Variants in SIGIRR observed in about 807,000 individuals in gnomAD.
The protein encoded by SIGIRR is single Ig and TIR domain containing.
Under a neutral mutation model 45.6 loss-of-function variants are expected in SIGIRR, and 41 were observed. The observed-to-expected ratio is 0.90, with a 90% confidence interval of 0.70 to 1.17. The LOEUF is 1.17. SIGIRR is among the 50% of genes most tolerant of loss of function. The pLI, the probability that SIGIRR is intolerant of heterozygous loss-of-function variation, is 0.00. For missense variants in SIGIRR, 599 were observed against 539.6 expected (o/e 1.11, Z -1.09); for synonymous variants, 298 against 239.0 (o/e 1.25, Z -2.28).
chr11:409,381 G>A (rs1201765039), intron 2 of SIGIRR: 3 of 279,918 alleles, frequency 1.1e-5, no homozygotes, highest in Non-Finnish European at 2.1e-5. Flanking sequence ...CACCTGGATG[G>A]GCACAGCTGG....
intron 8 of SIGIRR, 128 bp downstream of exon 8, chr11:406,715 C>T (rs1358023080): frequency 3.6e-6 from 5 of 1,406,448 alleles, no homozygotes; most frequent in South Asian, 3.0e-5. Context: ...AGCGGAACCT[C>T]CCCCCAGGGC....
At chr11:406,326 G>A in intron 9 of SIGIRR, 23 bp downstream of exon 9, 2 of 1,610,140 alleles carry the variant, frequency 1.2e-6, no homozygotes, top group East Asian at 2.2e-5. Flanking sequence ...CTCCAGTTGG[G>A]GAGTGGGGCT....
rs745336848 is a variant in SIGIRR, at chr11:405,880, C to T, written c.*16G>A. On this transcript the variant is annotated 3_prime_UTR_variant, in exon 10 of 10. Coordinates refer to ENST00000431843, the MANE Select transcript of SIGIRR (RefSeq NM_001135054.2). The stretch of plus-strand genomic sequence containing the variant: ...GGCCCCCGCTGTCCCTATGATCCTG[C>T]ACTCTGGGGTGGGAGCTACATATCA... 4 of 1,580,956 alleles carry T rather than the reference C, an allele frequency of 2.5e-6. No individual in the cohort carries two copies. The South Asian group carries it at 3.5e-5, about 14-fold the overall frequency.
chr11:407,463 T>C lies in SIGIRR; in HGVS notation c.587A>G (p.Lys196Arg), dbSNP rs1847394863. The change falls in exon 6 of 10, where the codon AAG (lysine) becomes AGG (arginine). Residue 196 changes from lysine to arginine, a missense_variant. Physicochemically the swap from Lys to Arg is conservative, Grantham distance 26. Coordinates refer to ENST00000431843, the MANE Select transcript of SIGIRR (RefSeq NM_001135054.2). ...GAGGTCGCGGTCGTCCAGGAAGAGC[T>C]TGTAGCCCCGACGCCGCTCCAGCTG... ...KPQLERRRGY[K>R]LFLDDRDLLP... 1 of 1,565,142 alleles carries C rather than the reference T, an allele frequency of 6.4e-7. No individual in the cohort carries two copies.
In SIGIRR at chr11:408,198, G is replaced by C; in HGVS notation, c.215C>G (p.Ala72Gly). Residue 72 changes from alanine to glycine, a missense_variant, in exon 4 of 10, where the codon GCC becomes GGC. Ala to Gly is a moderately conservative substitution (Grantham distance 60). Transcript: ENST00000431843. Reference protein sequence around the residue: ...YSLHEYSWVKANLSEVLVSSV... With the variant: ...YSLHEYSWVKGNLSEVLVSSV... ...GGACACAAGCACCTCTGACAGGTTGGCCTTGACCCTGGGGATACCAAGCCA... is the reference window on the plus strand; with the variant it reads ...GGACACAAGCACCTCTGACAGGTTGCCCTTGACCCTGGGGATACCAAGCCA... 1 of 1,612,512 alleles carries C rather than the reference G, an allele frequency of 6.2e-7. No homozygotes were observed. Among genetic ancestry groups the C allele is most frequent in the East Asian group, 2.2e-5 (1 of 44,882 alleles).
upstream of SIGIRR, among the ~76,000 whole-genome samples, chr11:416,744 G>A (rs1847894817): frequency 6.6e-6 from 1 of 152,130 alleles, no homozygotes; most frequent in Admixed American, 6.5e-5. This position sits in a 1 kb window ranked among gnomAD's most constrained non-coding sequence, Gnocchi z 9.1. Context: ...CAGGCCGAGG[G>A]GCTCTGGTTC....
At chr11:406,711 A>ACCT in intron 8 of SIGIRR, 132 bp downstream of exon 8, 1 of 1,407,866 alleles carries the variant, frequency 7.1e-7, no homozygotes, top group Non-Finnish European at 9.3e-7. Context: ...AGGCAGCGGA[A>ACCT]CCTCCCCCCA....
At position 408,839 on chromosome 11, in the gene SIGIRR, C is replaced by G. The variant is rs1590377037; in HGVS notation, c.62G>C (p.Arg21Thr). The G allele has an allele frequency of 1.9e-6, 3 of 1,612,666 alleles. No individual in the cohort carries two copies. The highest frequency in any genetic ancestry group is 2.5e-6 in the Non-Finnish European group (3 of 1,180,000). The change falls in exon 3 of 10, where the codon AGG (arginine) becomes ACG (threonine). Residue 21 changes from arginine (R) to threonine (T), a missense_variant. Coordinates refer to ENST00000431843, the MANE Select transcript of SIGIRR (RefSeq NM_001135054.2). ...AGCCACTGAGCTGCCCAAGGCAGGCCTCAGCACCTGGTCTTCAGACGGGGA... is the reference window on the plus strand; with the variant it reads ...AGCCACTGAGCTGCCCAAGGCAGGCGTCAGCACCTGGTCTTCAGACGGGGA... ...FLSPSEDQVL[R>T]PALGSSVALN... is the part of the protein sequence containing the mutation.
chr11:406,446 C>T lies in SIGIRR; in HGVS notation c.972G>A (p.Leu324=). 1.9e-6 allele frequency: 3 copies of T among 1,612,752 alleles called. No homozygotes were observed. The highest frequency in any genetic ancestry group is 2.5e-6 in the Non-Finnish European group (3 of 1,179,906). Residue 324 remains leucine, a synonymous_variant, in exon 9 of 10, where the codon CTG becomes CTA. Transcript: ENST00000431843. ...RPVEGDPQTQ[L]QDDKDPMLIL... ...TCAGCATGGGGTCCTTGTCGTCCTG[C>T]AGCTGCGTCTGGGGGTCTCCTTCCA...
At chr11:416,871 C>G (rs1011844392), upstream of SIGIRR, among the ~76,000 whole-genome samples, 4 of 152,098 alleles carry the variant, frequency 2.6e-5, no homozygotes, top group Admixed American at 6.5e-5. The surrounding 1 kb of genome is among the most constrained non-coding windows in gnomAD (Gnocchi z 9.1). Context: ...TCGGCCGGGG[C>G]AGAGGCGCGC....
rs984274253 is a variant in SIGIRR, at chr11:413,693, C to A, written c.-154+1130G>T. ...GCACCCTCTCCCCTGCACCCTCTCC[C>A]TGCAAACCCTCCCCTGCACCCTCTT... On this transcript the variant is annotated intron_variant, in intron 1 of 9. Transcript: ENST00000431843. 3.4e-5 allele frequency among the ~76,000 whole-genome samples: 5 copies of A among 148,322 alleles called. No homozygotes were observed. The East Asian group carries it at 1.0e-3, about 30-fold the overall frequency.
intron 2 of SIGIRR, 195 bp downstream of exon 2, chr11:409,673 A>G (rs554154662): frequency 2.0e-6 from 1 of 498,356 alleles, no homozygotes; most frequent in Non-Finnish European, 3.4e-6. Flanking sequence ...GAGAGGGTGC[A>G]GGGCTCATCC....
In SIGIRR at chr11:407,092, AGGAAGG is replaced by A; in HGVS notation, c.692_697del (p.Ala231_Leu233delinsVal). 6 of 1,547,428 alleles carry A rather than the reference AGGAAGG, an allele frequency of 3.9e-6. No homozygotes were observed. The highest frequency in any genetic ancestry group is 2.5e-5 in the East Asian group (1 of 39,928). ...GCTGTGGCTGCACCAGGCCCGGCTC[AGGAAGG>A]CGTCCGAAAGCACCACGATGAGGCG... On this transcript the variant is annotated inframe_deletion, in exon 7 of 10. Transcript: ENST00000431843.
Position 410,029 on chromosome 11 carries a change from TG to T in SIGIRR, c.-153-3del. Reference sequence around the variant, plus strand: ...CAGGGCACCTGGACAGGTCAGAGGCTGCCGCCATCCCCAGGGAACAAGTTAA... The same window carrying T: ...CAGGGCACCTGGACAGGTCAGAGGCTCCGCCATCCCCAGGGAACAAGTTAA... On this transcript the variant is annotated splice_region_variant and splice_polypyrimidine_tract_variant and intron_variant, in intron 1 of 9. Coordinates refer to ENST00000431843, the MANE Select transcript of SIGIRR (RefSeq NM_001135054.2). 1 of 1,238,954 alleles carries T rather than the reference TG, an allele frequency of 8.1e-7. No homozygotes were observed. Among genetic ancestry groups the T allele is most frequent in the Middle Eastern group, 3.1e-4 (1 of 3,232 alleles). 76.7% of individuals were successfully genotyped at this position (1,238,954 alleles called of 1,614,324 possible).
At chr11:409,697 TG>T in intron 2 of SIGIRR, 170 bp downstream of exon 2, 1 of 642,056 alleles carries the variant, frequency 1.6e-6, no homozygotes, top group Non-Finnish European at 2.4e-6. Flanking sequence ...CCACTCGCCC[TG>T]GTTTCAGGGC....
At chr11:413,733 C>A (rs1403330491) in intron 1 of SIGIRR, among the ~76,000 whole-genome samples, 1 of 146,338 alleles carries the variant, frequency 6.8e-6, no homozygotes, top group Non-Finnish European at 1.5e-5. Context: ...CACCCTCTCC[C>A]CTGCTCCCTC....
At chr11:409,030 G>T in intron 2 of SIGIRR, 137 bp from the exon 3 acceptor site, 1 of 773,984 alleles carries the variant, frequency 1.3e-6, no homozygotes, top group Non-Finnish European at 2.2e-6. Flanking sequence ...CGAGTCCCAT[G>T]GGGACAGGCT....
chr11:413,323 C>T (rs1847755347), intron 1 of SIGIRR, among the ~76,000 whole-genome samples: 1 of 152,036 alleles, frequency 6.6e-6, no homozygotes, highest in Non-Finnish European at 1.5e-5. Context: ...TGGGGGATGG[C>T]CAGGGGGTCC....
rs371834375 is a variant in SIGIRR at position 407,180 on chromosome 11, C to T, written c.626-16G>A. The T allele has an allele frequency of 7.6e-4, 696 of 917,628 alleles. 6 individuals are homozygous for T. In the African/African-American group the frequency reaches 0.013, roughly 17 times the overall value. The allele number at this position is 917,628 out of a possible 1,614,324, so 56.8% of individuals were successfully genotyped here. ...GCGGAGGGCTCTGCGGGAGGGCGGG[C>T]GTCGGCGGCGCAGGGGCGGGGGCGG... On this transcript the variant is annotated splice_polypyrimidine_tract_variant and intron_variant, in intron 6 of 9. Coordinates refer to ENST00000431843, the MANE Select transcript of SIGIRR (RefSeq NM_001135054.2).
Sources: gnomAD v4.1 joint callset for allele counts (sites outside exome capture counted in the v4.1 genomes callset) on GRCh38, gnomAD v4.1.1 for gene constraint, Gnocchi (gnomAD v3.1) non-coding constraint, MANE v1.5 for transcripts, NCBI Gene and HGNC (gene_info 2026-07-23, HGNC 2026-07-21) for gene names.